The following UGGT2 variants were observed in gnomAD, a reference collection of about 807,000 sequenced individuals.
UGGT2 encodes the protein UDP-glucose glycoprotein glucosyltransferase 2.
A neutral mutation model predicts 192.1 loss-of-function variants in UGGT2; 180 were observed. The ratio of observed to expected loss-of-function variants is 0.94; its 90% CI spans 0.83 to 1.06. The LOEUF is 1.06. Among genes scored for constraint, UGGT2 ranks in the 50% least tolerant of loss-of-function variants. The pLI, the probability that UGGT2 is intolerant of heterozygous loss-of-function variation, is 0.00. For missense variants in UGGT2, 1,849 were observed against 1,795.7 expected (o/e 1.03, Z -0.54); for synonymous variants, 580 against 591.0 (o/e 0.98, Z 0.27).
rs901124118 is a variant in UGGT2 at position 96,032,359 on chromosome 13, C to T, written c.159-388G>A. On this transcript the variant is annotated intron_variant, in intron 1 of 38. Coordinates refer to ENST00000376747, the MANE Select transcript of UGGT2 (RefSeq NM_020121.4). ...GTAAAAAGTAGAAAAAAAAGACCAC[C>T]TGTTTCATAAACAAAAACTGGTTCT... Among the ~76,000 whole-genome samples, 3 of 152,012 alleles carry T rather than the reference C, an allele frequency of 2.0e-5. No individual in the cohort carries two copies. In the South Asian group the frequency reaches 6.2e-4, roughly 32 times the overall value.
chr13:96,040,643 G>T (rs2053137790), intron 1 of UGGT2, among the ~76,000 whole-genome samples: 2 of 152,078 alleles, frequency 1.3e-5, no homozygotes, highest in South Asian at 4.1e-4. Context: ...TAAGTATTAA[G>T]TTGCAAATAC....
At chr13:95,867,500 T>A (rs1263998588) in intron 29 of UGGT2, 77 bp from the exon 30 acceptor site, 9 of 1,235,204 alleles carry the variant, frequency 7.3e-6, no homozygotes, top group Non-Finnish European at 1.0e-5. Flanking sequence ...AATAAACTCA[T>A]TTTGCAATAA....
chr13:95,921,566 A>T lies in UGGT2; in HGVS notation c.2295+4114T>A, dbSNP rs542463193. On this transcript the variant is annotated intron_variant, in intron 20 of 38. Coordinates refer to ENST00000376747, the MANE Select transcript of UGGT2 (RefSeq NM_020121.4). ...GAAACATTAACTGGCTAGTAAACAC[A>T]GAAAAATCTTCCATAAACAAATCAA... is the stretch of plus-strand genomic sequence containing the variant. 2.0e-5 allele frequency among the ~76,000 whole-genome samples: 3 copies of T among 152,292 alleles called. No homozygotes were observed. In the East Asian group the frequency reaches 5.8e-4, roughly 29 times the overall value.
At chr13:95,883,025 T>C (rs1368444382) in intron 27 of UGGT2, among the ~76,000 whole-genome samples, 1 of 152,154 alleles carries the variant, frequency 6.6e-6, no homozygotes, top group African/African-American at 2.4e-5. Flanking sequence ...ATGCTATTAG[T>C]TTGCTGCCTT....
At chr13:95,933,116 T>A (rs2049342949) in intron 17 of UGGT2, among the ~76,000 whole-genome samples, 1 of 152,218 alleles carries the variant, frequency 6.6e-6, no homozygotes, top group Non-Finnish European at 1.5e-5. Flanking sequence ...GAGGCATTAA[T>A]CACTCCTCCT....
chr13:95,822,007 A>C (rs79707138), intron 38 of UGGT2, among the ~76,000 whole-genome samples: 1,793 of 151,730 alleles, frequency 0.012, 42 homozygotes, highest in African/African-American at 0.04. Flanking sequence ...ATGCTTCCAG[A>C]TTTGTTCTTT....
intron 12 of UGGT2, among the ~76,000 whole-genome samples, chr13:95,960,039 T>C (rs1157781815): frequency 6.6e-6 from 1 of 152,194 alleles, no homozygotes; most frequent in Non-Finnish European, 1.5e-5. Context: ...ATTACCCTAC[T>C]GCACACATTG....
intron 27 of UGGT2, among the ~76,000 whole-genome samples, chr13:95,878,241 T>TA (rs1339538046): frequency 3.9e-5 from 6 of 152,026 alleles, no homozygotes; most frequent in Admixed American, 1.3e-4. Context: ...TTCTTGTAAT[T>TA]AAAAAAATTA....
At chr13:95,986,133 T>G (rs1366290482) in intron 9 of UGGT2, among the ~76,000 whole-genome samples, 200 bp downstream of exon 9, 1 of 129,978 alleles carries the variant, frequency 7.7e-6, no homozygotes, top group Non-Finnish European at 1.8e-5. Flanking sequence ...TACCTTACAG[T>G]GCATACACAC....
intron 36 of UGGT2, among the ~76,000 whole-genome samples, chr13:95,846,992 T>C (rs570087035): frequency 4.4e-4 from 67 of 152,166 alleles, no homozygotes; most frequent in Non-Finnish European, 8.8e-4. Flanking sequence ...TTGTTGATTT[T>C]CTCAAAGAAC....
intron 7 of UGGT2, chr13:95,990,376 C>T (rs902134343): frequency 6.1e-5 from 10 of 163,926 alleles, no homozygotes; most frequent in Non-Finnish European, 1.2e-4. Context: ...ATATTACATA[C>T]TTTTTGTTTA....
intron 17 of UGGT2, among the ~76,000 whole-genome samples, chr13:95,928,889 C>T (rs983900258): frequency 7.9e-5 from 12 of 152,184 alleles, no homozygotes; most frequent in African/African-American, 2.4e-4. Context: ...TGCCACTGCA[C>T]TCCAGCCTGG....
intron 20 of UGGT2, 94 bp downstream of exon 20, chr13:95,925,586 C>T (rs2048991571): frequency 1.2e-6 from 1 of 838,772 alleles, no homozygotes; most frequent in African/African-American, 1.8e-5. Flanking sequence ...GAAACATTAA[C>T]ATGGAGGGGA....
At chr13:95,853,816 G>C (rs1889299897) in intron 35 of UGGT2, among the ~76,000 whole-genome samples, 159 bp from the exon 36 acceptor site, 1 of 152,082 alleles carries the variant, frequency 6.6e-6, no homozygotes, top group African/African-American at 2.4e-5. Context: ...ATCTAATACT[G>C]TTTCCCAAGA....
chr13:95,996,320 A>G (rs2051619099), intron 6 of UGGT2, among the ~76,000 whole-genome samples, 185 bp from the exon 7 acceptor site: 1 of 151,948 alleles, frequency 6.6e-6, no homozygotes. Context: ...TGACCAACAC[A>G]GTGAAACCTT....
At chr13:95,894,701 T>A in intron 23 of UGGT2, 44 bp from the exon 24 acceptor site, 1 of 1,479,652 alleles carries the variant, frequency 6.8e-7, no homozygotes, top group Non-Finnish European at 9.4e-7. Context: ...TTGGAAAGAG[T>A]TCCATATTTC....
At position 95,927,625 on chromosome 13, in the gene UGGT2, A is replaced by AT. The variant is rs1445108882; in HGVS notation, c.1978-290dup. On this transcript the variant is annotated intron_variant, in intron 17 of 38. Coordinates refer to ENST00000376747, the MANE Select transcript of UGGT2 (RefSeq NM_020121.4). The stretch of plus-strand genomic sequence containing the variant: ...CAATTCTCATTAATTAACTCACTGA[A>AT]TTTTTTTGTTTGTTTGTTTGTTTGC... Among the ~76,000 whole-genome samples, 6 of 151,906 alleles carry AT rather than the reference A, an allele frequency of 3.9e-5. No homozygotes were observed. In the South Asian group the frequency reaches 1.3e-3, roughly 32 times the overall value.
chr13:95,859,723 C>G lies in UGGT2; in HGVS notation c.3741-48G>C, dbSNP rs532762813. ...CAATATACATTAACAGTAACAGGAG[C>G]TCATATATATTTTTTAACCTTGAAG... is the stretch of plus-strand genomic sequence containing the variant. On this transcript the variant is annotated intron_variant, in intron 32 of 38. Transcript: ENST00000376747. 8.4e-4 allele frequency: 1,126 copies of G among 1,340,318 alleles called. 19 individuals are homozygous for G. The South Asian group carries it at 0.016, about 19-fold the overall frequency. 83.0% of individuals were successfully genotyped at this position (1,340,318 alleles called of 1,614,324 possible).
At chr13:96,004,878 A>G (rs17189951) in intron 5 of UGGT2, among the ~76,000 whole-genome samples, 59,848 of 151,670 alleles carry the variant, frequency 0.39, 12,049 homozygotes, top group Middle Eastern at 0.45. Context: ...TTCAGTGGAC[A>G]GATATCAGAG....
Sources: gnomAD v4.1 joint callset for allele counts (sites outside exome capture counted in the v4.1 genomes callset) on GRCh38, gnomAD v4.1.1 for gene constraint, MANE v1.5 for transcripts, NCBI Gene and HGNC (gene_info 2026-07-23, HGNC 2026-07-21) for gene names.